The following BRD1 variants were observed in gnomAD, a reference collection of about 807,000 sequenced individuals.
BRD1 encodes bromodomain containing 1.
Under a neutral mutation model 107.7 loss-of-function variants are expected in BRD1, and 24 were observed. The observed-to-expected ratio is 0.22, with a 90% CI of 0.16 to 0.31. The LOEUF (loss-of-function observed/expected upper bound fraction) is 0.31. Ranked by LOEUF, BRD1 falls within the 10% of genes least tolerant of loss-of-function variation. The pLI is 1.00. For synonymous variants in BRD1, 744 were observed against 686.1 expected, an observed-to-expected ratio of 1.08 and a Z score of -1.32; for missense variants, 1,279 against 1,638.6, an observed-to-expected ratio of 0.78 and a Z score of 3.79.
chr22:49,797,743 C>G (rs1476156085), intron 6 of BRD1, 62 bp downstream of exon 6: 19 of 1,502,868 alleles, frequency 1.3e-5, no homozygotes, highest in Non-Finnish European at 1.7e-5. Context: ...CAACACAGAG[C>G]AGGACAGAGT....
chr22:49,777,230 C>A, intron 9 of BRD1, 69 bp from the exon 10 acceptor site: 3 of 1,588,868 alleles, frequency 1.9e-6, no homozygotes, highest in Non-Finnish European at 2.6e-6. Flanking sequence ...GGCTTCGTCC[C>A]GTGAGCTGTC....
At chr22:49,799,728 AG>A (rs1222621527) in intron 3 of BRD1, among the ~76,000 whole-genome samples, 3 of 152,222 alleles carry the variant, frequency 2.0e-5, no homozygotes, top group Non-Finnish European at 4.4e-5. Context: ...AGAGTGCGCC[AG>A]ACAGCACAGG....
At chr22:49,818,263 C>T (rs2059993266) in intron 2 of BRD1, 1 of 1,265,452 alleles carries the variant, frequency 7.9e-7, no homozygotes, top group Non-Finnish European at 1.0e-6. Context: ...TCCAGGCTCT[C>T]GTAGTAGAGG....
intron 2 of BRD1, among the ~76,000 whole-genome samples, chr22:49,812,821 C>T (rs917133958): frequency 2.6e-5 from 4 of 151,686 alleles, no homozygotes; most frequent in Non-Finnish European, 5.9e-5. Flanking sequence ...TGTACACAGA[C>T]GCACCAAGGA....
chr22:49,777,263 C>A lies in BRD1; in HGVS notation c.2994-102G>T, dbSNP rs921823503. 64 of 1,543,422 alleles carry A rather than the reference C, an allele frequency of 4.1e-5. No individual in the cohort carries two copies. The African/African-American group carries it at 7.0e-4, about 17-fold the overall frequency. ...GTCCGCCACCAAGCTGGCCACGCATCCTGCCTGACACCCCCGCGGCCAGAC... is the reference window on the plus strand; with the variant it reads ...GTCCGCCACCAAGCTGGCCACGCATACTGCCTGACACCCCCGCGGCCAGAC... On this transcript the variant is annotated intron_variant, in intron 9 of 12. Transcript: ENST00000404760.
chr22:49,775,831 C>CG (rs2059079939), intron 11 of BRD1, 86 bp from the exon 12 acceptor site: 32 of 961,184 alleles, frequency 3.3e-5, no homozygotes, highest in Middle Eastern at 4.0e-4. Context: ...CCCCGCCTCC[C>CG]CACCCCAGCT....
At chr22:49,804,095 G>C in intron 3 of BRD1, 109 bp downstream of exon 3, 4 of 942,592 alleles carry the variant, frequency 4.2e-6, no homozygotes, top group Non-Finnish European at 5.9e-6. Flanking sequence ...TCCCAACGGG[G>C]AGCCTGAGCC....
chr22:49,824,226 A>T lies in BRD1; in HGVS notation c.92T>A (p.Leu31Gln). 6.2e-7 allele frequency: 1 copy of T among 1,614,026 alleles called. No individual in the cohort carries two copies. Among genetic ancestry groups the T allele is most frequent in the Non-Finnish European group, 8.5e-7 (1 of 1,180,030 alleles). Residue 31 changes from leucine to glutamine, a missense_variant, in exon 2 of 13, where the codon CTG becomes CAG. Leu to Gln is a moderately radical substitution (Grantham distance 113). Transcript: ENST00000404760. The surrounding 1 kb of genome is among the most constrained non-coding windows in gnomAD (Gnocchi z 5.9). The stretch of plus-strand genomic sequence containing the variant: ...CATCCTTTGAGCTTGAGCGTAGGTC[A>T]GCGTTTCTCGCGTAGGGGAGTGTTT... ...SVKHSPTRET[L>Q]TYAQAQRMVE... is the part of the protein sequence containing the mutation.
At chr22:49,810,200 A>G (rs1455684900) in intron 2 of BRD1, among the ~76,000 whole-genome samples, 3 of 152,206 alleles carry the variant, frequency 2.0e-5, no homozygotes, top group Non-Finnish European at 4.4e-5. Context: ...GACTGCTATC[A>G]GGTAAAGGTA....
At chr22:49,802,028 C>T (rs1038982174) in intron 3 of BRD1, among the ~76,000 whole-genome samples, 1 of 152,262 alleles carries the variant, frequency 6.6e-6, no homozygotes, top group African/African-American at 2.4e-5. Flanking sequence ...TCAACAGCTC[C>T]TCTGTGACTT....
rs778379491 is a variant in BRD1 at position 49,799,090 on chromosome 22, G to A, written c.1554C>T (p.Ala518=). Reference sequence around the variant, plus strand: ...GCTGCCAGTACTTCAGCTTCTCTTTGGCAGCCTTCATCTCCTCATCATTTT... The same window carrying A: ...GCTGCCAGTACTTCAGCTTCTCTTTAGCAGCCTTCATCTCCTCATCATTTT... The part of the protein sequence containing the change: ...QRENDEEMKA[A]KEKLKYWQRL... Residue 518 remains alanine, a synonymous_variant, in exon 4 of 13, where the codon GCC becomes GCT. Transcript: ENST00000404760. The A allele has an allele frequency of 3.1e-6, 5 of 1,609,754 alleles. No individual in the cohort carries two copies. The Admixed American group carries it at 8.3e-5, about 27-fold the overall frequency.
At chr22:49,808,073 C>A (rs2059778090) in intron 2 of BRD1, among the ~76,000 whole-genome samples, 1 of 152,132 alleles carries the variant, frequency 6.6e-6, no homozygotes, top group African/African-American at 2.4e-5. Context: ...AACCCTTGCG[C>A]ACCGCCGGCA....
Position 49,823,731 on chromosome 22 carries a change from T to C in BRD1, c.587A>G (p.Glu196Gly). 1 of 1,614,098 alleles carries C rather than the reference T, an allele frequency of 6.2e-7. No individual in the cohort carries two copies. Among genetic ancestry groups the C allele is most frequent in the Non-Finnish European group, 8.5e-7 (1 of 1,180,006 alleles). The change falls in exon 2 of 13, where the codon GAG becomes GGG. Residue 196 changes from glutamate to glycine, a missense_variant. Glu to Gly is a moderately conservative substitution (Grantham distance 98, BLOSUM62 -2). Around this residue, in one of 7 missense-constraint regions of BRD1, gnomAD observed 158 missense variants for 310.2 expected, o/e 0.51. Coordinates refer to ENST00000404760, the MANE Select transcript of BRD1 (RefSeq NM_001304808.3). ...CTGCTTCTGGTTCTCGCAGTGCGAC[T>C]CCTTCTCGAAGCGGTCCATCAGGAA... ...FEFLMDRFEK[E>G]SHCENQKQGE...
chr22:49,800,195 T>C (rs2059615351), intron 3 of BRD1, among the ~76,000 whole-genome samples: 1 of 152,012 alleles, frequency 6.6e-6, no homozygotes, highest in Non-Finnish European at 1.5e-5. Flanking sequence ...GACTACAAGA[T>C]GCAAGGACCC....
At chr22:49,826,362 C>G (rs1169769720) in intron 1 of BRD1, 1 of 712,226 alleles carries the variant, frequency 1.4e-6, no homozygotes, top group African/African-American at 1.9e-5. Context: ...AAAGTAGGCC[C>G]TCAGCAGGGC....
At position 49,810,086 on chromosome 22, in the gene BRD1, C is replaced by T. The variant is rs141735223; in HGVS notation, c.1368-5726G>A. ...CAGGTCACGTCCTTTGCCCACAGCA[C>T]AAGCAATGGATATCAAGAGTTTAAA... On this transcript the variant is annotated intron_variant, in intron 2 of 12. Transcript: ENST00000404760. Among the ~76,000 whole-genome samples the T allele has an allele frequency of 4.6e-5, 7 of 152,054 alleles. No individual in the cohort carries two copies. The East Asian group carries it at 9.7e-4, about 21-fold the overall frequency.
intron 10 of BRD1, among the ~76,000 whole-genome samples, chr22:49,776,515 A>C (rs2059102393): frequency 6.6e-6 from 1 of 152,106 alleles, no homozygotes; most frequent in Non-Finnish European, 1.5e-5. Flanking sequence ...TGACACCCCA[A>C]ATGGGAAACC....
intron 9 of BRD1, 31 bp downstream of exon 9, chr22:49,777,647 G>C (rs764453008): frequency 4.4e-6 from 7 of 1,593,758 alleles, no homozygotes; most frequent in Non-Finnish European, 5.1e-6. Flanking sequence ...TGGGAGCTGC[G>C]TGGTGGGAAG....
Position 49,823,664 on chromosome 22 carries a change from G to A in BRD1, c.654C>T (p.Cys218=). The A allele has an allele frequency of 6.2e-7, 1 of 1,613,138 alleles. No homozygotes were observed. Among genetic ancestry groups the A allele is most frequent in the Non-Finnish European group, 8.5e-7 (1 of 1,179,856 alleles). ...TCTGACACTCCCCGTCCATGCAGAT[G>A]CAGCACACGGCGTCCTCGTCGATCA... ...QSLIDEDAVC[C]ICMDGECQNS... Residue 218 remains cysteine, a synonymous_variant, in exon 2 of 13, where the codon TGC becomes TGT. Transcript: ENST00000404760.
Sources: allele counts gnomAD v4.1 joint callset (sites outside exome capture counted in the v4.1 genomes callset), GRCh38; gene constraint gnomAD v4.1.1; regional missense constraint gnomAD v4.1.1; non-coding constraint Gnocchi (gnomAD v3.1); transcripts MANE v1.5; gene names NCBI Gene and HGNC (gene_info 2026-07-23, HGNC 2026-07-21).